RPS14: variants seen among roughly 807,000 people sequenced by gnomAD.
RPS14 encodes the protein ribosomal protein S14, also known as small ribosomal subunit protein uS11.
In RPS14, 1 loss-of-function variant was observed where a neutral mutation model predicts 15.4. That is an observed-to-expected ratio of 0.07 (90% CI 0.02 to 0.31). The LOEUF (loss-of-function observed/expected upper bound fraction) is 0.31. Among genes scored for constraint, RPS14 ranks in the 10% least tolerant of loss-of-function variants. RPS14 has a pLI of 1.00. For synonymous variants in RPS14, 68 were observed against 74.4 expected, an observed-to-expected ratio of 0.91 and a Z score of 0.44; for missense variants, 69 against 205.5, an observed-to-expected ratio of 0.34 and a Z score of 4.06.
chr5:150,444,998 A>G (rs1282042630), intron 4 of RPS14, among the ~76,000 whole-genome samples: 1 of 152,240 alleles, frequency 6.6e-6, no homozygotes, highest in Non-Finnish European at 1.5e-5. Context: ...ATTCCAGCCC[A>G]CGCAACAGAG....
chr5:150,445,089 C>A (rs965116153), intron 4 of RPS14, among the ~76,000 whole-genome samples: 1 of 152,128 alleles, frequency 6.6e-6, no homozygotes, highest in African/African-American at 2.4e-5. Flanking sequence ...CAGTGTATGT[C>A]GCTACTAACT....
rs1469015746 is a variant in RPS14 at position 150,445,601 on chromosome 5, G to T, written c.388+8C>A. The T allele has an allele frequency of 1.9e-6, 3 of 1,612,516 alleles. No individual in the cohort carries two copies. Among genetic ancestry groups the T allele is most frequent in the African/African-American group, 2.7e-5 (2 of 74,834 alleles). On this transcript the variant is annotated splice_region_variant and intron_variant, in intron 4 of 4. Transcript: ENST00000407193. ...AAACCCAAGCATTAGCTAGAGGGGG[G>T]CACTTACCAATCCGCCCGATCTTCA...
rs1771069995 is a variant in RPS14 at position 150,445,594 on chromosome 5, G to C, written c.388+15C>G. The C allele has an allele frequency of 6.2e-7, 1 of 1,612,254 alleles. No homozygotes were observed. The highest frequency in any genetic ancestry group is 1.3e-5 in the African/African-American group (1 of 74,872). On this transcript the variant is annotated intron_variant, in intron 4 of 4. Coordinates refer to ENST00000407193, the MANE Select transcript of RPS14 (RefSeq NM_005617.4). ...TCAAAATAAACCCAAGCATTAGCTA[G>C]AGGGGGGCACTTACCAATCCGCCCG...
intron 4 of RPS14, 186 bp downstream of exon 4, chr5:150,445,423 T>A (rs747109129): frequency 2.8e-6 from 2 of 712,018 alleles, no homozygotes; most frequent in Non-Finnish European, 5.2e-6. Context: ...GACATTCATA[T>A]CAAGGTGACA....
chr5:150,448,199 C>T (rs1771162810), intron 1 of RPS14: 1 of 154,656 alleles, frequency 6.5e-6, no homozygotes, highest in Non-Finnish European at 1.4e-5. Context: ...TCAAGCCTCT[C>T]ATCTCCTGTT....
chr5:150,444,064 T>G lies in RPS14; in HGVS notation c.*222A>C, dbSNP rs1581274698. The G allele has an allele frequency of 6.3e-6, 3 of 477,606 alleles. No individual in the cohort carries two copies. The East Asian group carries it at 1.3e-4, about 20-fold the overall frequency. The allele number at this position is 477,606 out of a possible 1,614,324, so 29.6% of individuals were successfully genotyped here. A position where few individuals can be genotyped will look rare whatever the true frequency, so the allele number is the denominator to read the frequency against. Reference sequence around the variant, plus strand: ...AAACGAGGTCTCCAACGCCTTGGTCTGCTTTAGATGACCAAGGCAACTTAA... The same window carrying G: ...AAACGAGGTCTCCAACGCCTTGGTCGGCTTTAGATGACCAAGGCAACTTAA... On this transcript the variant is annotated 3_prime_UTR_variant, in exon 5 of 5. Coordinates refer to ENST00000407193, the MANE Select transcript of RPS14 (RefSeq NM_005617.4).
At chr5:150,444,788 G>C (rs1001394383) in intron 4 of RPS14, 2 of 365,796 alleles carry the variant, frequency 5.5e-6, no homozygotes, top group Admixed American at 3.3e-5. Flanking sequence ...GGCTTTGGGA[G>C]ACTGAGGCTG....
Position 150,446,781 on chromosome 5 carries a change from C to A in RPS14, c.311+21G>T. On this transcript the variant is annotated intron_variant, in intron 3 of 4. Transcript: ENST00000407193. The surrounding 1 kb of genome is among the most constrained non-coding windows in gnomAD (Gnocchi z 4.2). ...CCCAGCAGGTTTTCTACCACCCAGC[C>A]ATCCCCTCTGCGACTCGTACCTATT... The A allele has an allele frequency of 6.2e-7, 1 of 1,609,336 alleles. No individual in the cohort carries two copies. Among genetic ancestry groups the A allele is most frequent in the East Asian group, 2.2e-5 (1 of 44,828 alleles).
chr5:150,445,510 G>T lies in RPS14; in HGVS notation c.388+99C>A. 3 of 1,168,860 alleles carry T rather than the reference G, an allele frequency of 2.6e-6. No individual in the cohort carries two copies. The South Asian group carries it at 3.7e-5, about 14-fold the overall frequency. 72.4% of individuals were successfully genotyped at this position (1,168,860 alleles called of 1,614,324 possible). A position where few individuals can be genotyped will look rare whatever the true frequency, so the allele number is the denominator to read the frequency against. On this transcript the variant is annotated intron_variant, in intron 4 of 4. Coordinates refer to ENST00000407193, the MANE Select transcript of RPS14 (RefSeq NM_005617.4). ...CTTAACAAACTTAACTGCCAAAAGT[G>T]ACCAGACCAGCCGCTGCACATCCAC...
At chr5:150,447,205 C>T (rs974360849) in intron 2 of RPS14, 8 of 549,382 alleles carry the variant, frequency 1.5e-5, no homozygotes, top group Non-Finnish European at 3.2e-6. Flanking sequence ...ACATTACTGT[C>T]CTAATTTTAC....
In RPS14 at chr5:150,444,242, C is replaced by T; in HGVS notation, c.*44G>A. On this transcript the variant is annotated 3_prime_UTR_variant, in exon 5 of 5. Transcript: ENST00000407193. Reference sequence around the variant, plus strand: ...AGAAGGCTGGAGTTGAAACAGTTTACATGAAGGCAATTTATTAACAGAAAA... The same window carrying T: ...AGAAGGCTGGAGTTGAAACAGTTTATATGAAGGCAATTTATTAACAGAAAA... 1 of 1,588,316 alleles carries T rather than the reference C, an allele frequency of 6.3e-7. No homozygotes were observed. Among genetic ancestry groups the T allele is most frequent in the Non-Finnish European group, 8.6e-7 (1 of 1,165,770 alleles).
chr5:150,444,666 AG>A (rs570640716), intron 4 of RPS14: 3 of 557,038 alleles, frequency 5.4e-6, no homozygotes, highest in Admixed American at 2.2e-5. Context: ...CCTTTTAGAC[AG>A]GGTAACTGCA....
intron 4 of RPS14, 173 bp from the exon 5 acceptor site, chr5:150,444,526 G>C (rs563562285): frequency 1.5e-6 from 1 of 675,484 alleles, no homozygotes; most frequent in South Asian, 1.6e-5. Flanking sequence ...CCAGTTCCTC[G>C]AATTTCCTGA....
chr5:150,442,687 TTTTAA>T lies in RPS14; in HGVS notation c.*1594_*1598del, dbSNP rs1456251175. On this transcript the variant is annotated 3_prime_UTR_variant, in exon 5 of 5. Transcript: ENST00000407193. Reference sequence around the variant, plus strand: ...TTTAACTCCAGACTTTATTCATATTTTTTAATTTATTATTTACTTATTTAGTTTTT... The same window carrying T: ...TTTAACTCCAGACTTTATTCATATTTTTTATTATTTACTTATTTAGTTTTT... The T allele has an allele frequency of 6.6e-6, 1 of 152,136 alleles. No homozygotes were observed. The highest frequency in any genetic ancestry group is 2.4e-5 in the African/African-American group (1 of 41,414). 9.4% of individuals were successfully genotyped at this position (152,136 alleles called of 1,614,324 possible).
At position 150,443,366 on chromosome 5, in the gene RPS14, C is replaced by T. The variant is rs902226969; in HGVS notation, c.*920G>A. 2 of 152,114 alleles carry T rather than the reference C, an allele frequency of 1.3e-5. No individual in the cohort carries two copies. The highest frequency in any genetic ancestry group is 4.8e-5 in the African/African-American group (2 of 41,414). 9.4% of individuals were successfully genotyped at this position (152,114 alleles called of 1,614,324 possible). ...TAAGATTCAATGTTGTTATTAAAATCCCTAGCAAGGTTTGGCATGTAACCA... is the reference window on the plus strand; with the variant it reads ...TAAGATTCAATGTTGTTATTAAAATTCCTAGCAAGGTTTGGCATGTAACCA... On this transcript the variant is annotated 3_prime_UTR_variant, in exon 5 of 5. Coordinates refer to ENST00000407193, the MANE Select transcript of RPS14 (RefSeq NM_005617.4).
chr5:150,447,101 A>T (rs775650324), intron 2 of RPS14, 138 bp from the exon 3 acceptor site: 5 of 960,852 alleles, frequency 5.2e-6, no homozygotes, highest in Non-Finnish European at 7.8e-6. Flanking sequence ...AGTTCAGTCC[A>T]GTGGGGTTGA....
chr5:150,447,809 T>C, intron 1 of RPS14, 74 bp from the exon 2 acceptor site: 1 of 1,496,460 alleles, frequency 6.7e-7, no homozygotes, highest in Non-Finnish European at 9.2e-7. Flanking sequence ...GGCTATTAAA[T>C]GAAACCCTAG....
intron 2 of RPS14, chr5:150,447,325 G>A (rs2151201243): frequency 1.8e-6 from 1 of 550,428 alleles, no homozygotes; most frequent in Non-Finnish European, 3.2e-6. Flanking sequence ...TGCTGCTCCT[G>A]CAAAGGGAAC....
Position 150,447,079 on chromosome 5 carries a change from C to G in RPS14, c.150-116G>C, listed in dbSNP as rs1581277517. The G allele has an allele frequency of 2.4e-6, 3 of 1,272,672 alleles. No individual in the cohort carries two copies. The East Asian group carries it at 7.0e-5, about 30-fold the overall frequency. The allele number at this position is 1,272,672 out of a possible 1,614,324, so 78.8% of individuals were successfully genotyped here. ...TGGTGGAGGATGATGGTCATGGGCT[C>G]TGCCCTCATGGAGTTCAGTCCAGTG... On this transcript the variant is annotated intron_variant, in intron 2 of 4. Transcript: ENST00000407193.
Sources: gnomAD v4.1 joint callset for allele counts (sites outside exome capture counted in the v4.1 genomes callset) on GRCh38, gnomAD v4.1.1 for gene constraint, Gnocchi (gnomAD v3.1) non-coding constraint, MANE v1.5 for transcripts, NCBI Gene and HGNC (gene_info 2026-07-23, HGNC 2026-07-21) for gene names.